CARF: variants seen among roughly 807,000 people sequenced by gnomAD.
The protein encoded by CARF is calcium responsive transcription factor.
Under a neutral mutation model 82.0 loss-of-function variants are expected in CARF, and 57 were observed. The observed-to-expected ratio is 0.70, with a 90% CI of 0.56 to 0.87. The LOEUF (loss-of-function observed/expected upper bound fraction) is 0.87. Among genes scored for constraint, CARF ranks in the 40% least tolerant of loss-of-function variants. The probability of loss-of-function intolerance (pLI) is 0.00; values close to 1 mark genes in which losing one functional copy is unlikely to be tolerated. For missense variants in CARF, 771 were observed against 855.8 expected, an observed-to-expected ratio of 0.90 and a Z score of 1.24; for synonymous variants, 268 against 290.1, an observed-to-expected ratio of 0.92 and a Z score of 0.77.
Position 202,985,203 on chromosome 2 carries a change from A to G in CARF, c.*1579A>G, listed in dbSNP as rs925767231. 6.6e-6 allele frequency: 1 copy of G among 152,112 alleles called. No homozygotes were observed. The highest frequency in any genetic ancestry group is 1.5e-5 in the Non-Finnish European group (1 of 68,020). The allele number at this position is 152,112 out of a possible 1,614,324, so 9.4% of individuals were successfully genotyped here. ...TTTTAAATGGATATCAATGTTTAAT[A>G]TTCAAAACATGCACAATATAATATC... is the stretch of plus-strand genomic sequence containing the variant. On this transcript the variant is annotated 3_prime_UTR_variant, in exon 17 of 17. Transcript: ENST00000438828.
chr2:202,920,402 G>A lies in CARF; in HGVS notation c.-163+2359G>A, dbSNP rs1474291575. Among the ~76,000 whole-genome samples the A allele has an allele frequency of 2.6e-5, 4 of 151,986 alleles. No homozygotes were observed. The East Asian group carries it at 5.8e-4, about 22-fold the overall frequency. On this transcript the variant is annotated intron_variant, in intron 2 of 16. Transcript: ENST00000438828. ...GATCTCCTGACCTTGTGATCCGCCC[G>A]CCTCGGCCTCCCAAAGTGCTGGGAT...
chr2:202,917,210 CAAAAAAA>C lies in CARF; in HGVS notation c.-329-647_-329-641del, dbSNP rs71034203. ...TGGGCGACAGAGCGAGACTCCGTCT[CAAAAAAA>C]AAAAAAAAAAAAAAAAAAAGCGCTG... On this transcript the variant is annotated intron_variant, in intron 1 of 16. Coordinates refer to ENST00000438828, the MANE Select transcript of CARF (RefSeq NM_024744.17). 1.3e-4 allele frequency among the ~76,000 whole-genome samples: 6 copies of C among 47,012 alleles called. No homozygotes were observed. In the Admixed American group the frequency reaches 1.5e-3, roughly 12 times the overall value. 30.8% of individuals were successfully genotyped at this position (47,012 alleles called of 152,430 possible).
intron 3 of CARF, among the ~76,000 whole-genome samples, chr2:202,932,837 G>A (rs1693188587): frequency 6.6e-6 from 1 of 152,122 alleles, no homozygotes. Flanking sequence ...AGTTTGGTCT[G>A]TAGGGCAGAG....
At chr2:202,970,473 G>T (rs1168741251) in intron 11 of CARF, among the ~76,000 whole-genome samples, 1 of 152,068 alleles carries the variant, frequency 6.6e-6, no homozygotes, top group Non-Finnish European at 1.5e-5. Context: ...AGCCAGAAAT[G>T]AATTCCAAGC....
intron 5 of CARF, among the ~76,000 whole-genome samples, chr2:202,945,281 G>T (rs1327868355): frequency 2.0e-5 from 3 of 152,000 alleles, no homozygotes; most frequent in African/African-American, 7.2e-5. Flanking sequence ...CCTACCAAAT[G>T]GAGCTATTTG....
intron 1 of CARF, among the ~76,000 whole-genome samples, chr2:202,914,099 G>A (rs578002744): frequency 6.9e-4 from 105 of 152,174 alleles, no homozygotes; most frequent in African/African-American, 2.4e-3. Context: ...CAGTACCTAG[G>A]ATAGCTGATG....
chr2:202,935,191 A>G (rs1043396419), intron 3 of CARF, among the ~76,000 whole-genome samples: 1 of 143,404 alleles, frequency 7.0e-6, no homozygotes, highest in African/African-American at 2.5e-5. Context: ...TAAATTTTAT[A>G]AATATATAAT....
At chr2:202,958,463 A>G (rs996963891) in intron 8 of CARF, among the ~76,000 whole-genome samples, 22 of 152,148 alleles carry the variant, frequency 1.4e-4, no homozygotes, top group Non-Finnish European at 1.9e-4. Context: ...TGTTACAACT[A>G]TAGTGCATTG....
intron 10 of CARF, among the ~76,000 whole-genome samples, chr2:202,969,027 C>T (rs1193147742): frequency 2.0e-5 from 3 of 152,144 alleles, no homozygotes; most frequent in South Asian, 2.1e-4. Context: ...TGGTGGCTCA[C>T]GCCTATAATC....
chr2:202,968,487 A>G (rs1028871700), intron 10 of CARF, among the ~76,000 whole-genome samples: 2 of 152,154 alleles, frequency 1.3e-5, no homozygotes, highest in African/African-American at 2.4e-5. Context: ...TAATCCTGCA[A>G]TATTAACTTT....
In CARF at chr2:202,912,874, C is replaced by T. The variant is rs1325314653; in HGVS notation, c.-558C>T. 3 of 152,150 alleles carry T rather than the reference C, an allele frequency of 2.0e-5. No homozygotes were observed. The highest frequency in any genetic ancestry group is 2.9e-5 in the Non-Finnish European group (2 of 68,052). The allele number at this position is 152,150 out of a possible 1,614,324, so 9.4% of individuals were successfully genotyped here. On this transcript the variant is annotated 5_prime_UTR_variant, in exon 1 of 17. Transcript: ENST00000438828. ...TTACGTTTAGAAGGGGAAAATCATC[C>T]TCCCACACCTTCTCCCCGACTTTTT...
At chr2:202,943,587 T>TACACACACACACACACACACAC (rs754214990) in intron 5 of CARF, among the ~76,000 whole-genome samples, 38 of 115,180 alleles carry the variant, frequency 3.3e-4, no homozygotes, top group African/African-American at 8.1e-4. Flanking sequence ...TAATGGAATG[T>TACACACACACACACACACACAC]ACACACACAC....
chr2:202,973,645 A>G, intron 12 of CARF: 3 of 281,326 alleles, frequency 1.1e-5, no homozygotes, highest in South Asian at 1.0e-4. Context: ...TATCATCTGT[A>G]AAGTGGGAAT....
Position 202,987,835 on chromosome 2 carries a change from A to G in CARF, c.*4211A>G, listed in dbSNP as rs985670353. On this transcript the variant is annotated 3_prime_UTR_variant, in exon 17 of 17. Coordinates refer to ENST00000438828, the MANE Select transcript of CARF (RefSeq NM_024744.17). ...TTTATTGAGGTATAATTGAAATACA[A>G]TAAACTGTACATATTTAAAGTACCC... Among the ~76,000 whole-genome samples the G allele has an allele frequency of 6.6e-6, 1 of 152,224 alleles. No homozygotes were observed. Among genetic ancestry groups the G allele is most frequent in the Non-Finnish European group, 1.5e-5 (1 of 68,040 alleles).
Position 202,971,515 on chromosome 2 carries a change from C to T in CARF, c.1108C>T (p.Gln370Ter). ...DAGGVLRWYV[Q>*]LPTQQAHQYH... The stretch of plus-strand genomic sequence containing the variant: ...ATTTTCTCTTACCAGGTGGTATGTA[C>T]AGTTACCTACACAGCAAGCTCATCA... The change falls in exon 12 of 17, where the codon CAG becomes TAG. Residue 370 changes from glutamine to a stop codon, truncating the protein, a stop_gained. Coordinates refer to ENST00000438828, the MANE Select transcript of CARF (RefSeq NM_024744.17). LOFTEE classifies it high-confidence loss of function. 1 of 1,605,916 alleles carries T rather than the reference C, an allele frequency of 6.2e-7. No homozygotes were observed. Among genetic ancestry groups the T allele is most frequent in the South Asian group, 1.1e-5 (1 of 90,664 alleles).
chr2:202,973,567 A>G (rs1255944732), intron 12 of CARF: 1 of 350,054 alleles, frequency 2.9e-6, no homozygotes, highest in Non-Finnish European at 5.5e-6. Context: ...TATAGGCCCA[A>G]GCTCTCTTAT....
chr2:202,980,616 GTATA>G lies in CARF; in HGVS notation c.1559-896_1559-893del, dbSNP rs34656288. Among the ~76,000 whole-genome samples, 356 of 42,526 alleles carry G rather than the reference GTATA, an allele frequency of 8.4e-3. 4 individuals are homozygous for G. Among genetic ancestry groups the G allele is most frequent in the African/African-American group, 0.04 (238 of 5,978 alleles). 27.9% of individuals were successfully genotyped at this position (42,526 alleles called of 152,430 possible). On this transcript the variant is annotated intron_variant, in intron 14 of 16. Transcript: ENST00000438828. ...GAGTTACAGATATAGCGTCTTTCAA[GTATA>G]TATATATATATATATATATATATAT...
intron 10 of CARF, among the ~76,000 whole-genome samples, chr2:202,968,338 G>C (rs1450397647): frequency 6.6e-6 from 1 of 152,036 alleles, no homozygotes; most frequent in Non-Finnish European, 1.5e-5. Flanking sequence ...GGAAACGGAG[G>C]TTGCAGTGAG....
At chr2:202,918,588 C>G (rs1353917415) in intron 2 of CARF, among the ~76,000 whole-genome samples, 1 of 151,952 alleles carries the variant, frequency 6.6e-6, no homozygotes, top group Non-Finnish European at 1.5e-5. Context: ...AGTTAATTGG[C>G]AGTTAGGGAT....
Sources: allele counts gnomAD v4.1 joint callset (sites outside exome capture counted in the v4.1 genomes callset), GRCh38; gene constraint gnomAD v4.1.1; transcripts MANE v1.5; gene names NCBI Gene and HGNC (gene_info 2026-07-23, HGNC 2026-07-21).